Variants in KIAA1328 observed in about 807,000 individuals in gnomAD.
KIAA1328 encodes KIAA1328, also known as protein hinderin.
In KIAA1328, 52 loss-of-function variants were observed where a neutral mutation model predicts 68.1. The observed-to-expected ratio is 0.76, with a 90% CI of 0.61 to 0.96. The LOEUF (loss-of-function observed/expected upper bound fraction) is 0.96, where lower values mean the gene tolerates loss of function less well. Among genes scored for constraint, KIAA1328 ranks in the 40% least tolerant of loss-of-function variants. KIAA1328 has a pLI of 0.00. For missense variants in KIAA1328, 641 were observed against 677.6 expected (o/e 0.95, Z 0.60); for synonymous variants, 232 against 239.4 (o/e 0.97, Z 0.28).
intron 7 of KIAA1328, among the ~76,000 whole-genome samples, chr18:37,080,548 G>A (rs1485715789): frequency 2.0e-5 from 3 of 151,970 alleles, no homozygotes; most frequent in African/African-American, 2.4e-5. Context: ...AGGCCGAGGC[G>A]GGTGGATCAC....
intron 6 of KIAA1328, among the ~76,000 whole-genome samples, chr18:36,985,511 G>T (rs1056158387): frequency 1.3e-5 from 2 of 152,108 alleles, no homozygotes; most frequent in Non-Finnish European, 2.9e-5. Context: ...AGACAAATCA[G>T]TAAAACAGAG....
chr18:36,862,910 A>G (rs2047613734), intron 4 of KIAA1328, among the ~76,000 whole-genome samples: 1 of 152,146 alleles, frequency 6.6e-6, no homozygotes, highest in South Asian at 2.1e-4. Context: ...TCTAATGGGC[A>G]GTGATGTTGG....
chr18:37,000,169 T>C (rs1184965459), intron 6 of KIAA1328, among the ~76,000 whole-genome samples: 1 of 152,010 alleles, frequency 6.6e-6, no homozygotes, highest in Non-Finnish European at 1.5e-5. Flanking sequence ...AAAAAGATGC[T>C]CCATACAAAC....
chr18:37,227,784 T>G (rs1278095268), downstream of KIAA1328, among the ~76,000 whole-genome samples: 1 of 152,206 alleles, frequency 6.6e-6, no homozygotes, highest in East Asian at 1.9e-4. Flanking sequence ...AGCCCATGGA[T>G]CAAGGAGTAA....
At chr18:37,073,410 A>C (rs2056602856) in intron 7 of KIAA1328, among the ~76,000 whole-genome samples, 1 of 152,240 alleles carries the variant, frequency 6.6e-6, no homozygotes, top group South Asian at 2.1e-4. Context: ...ATATGAAAAA[A>C]AGCTCAACAT....
At chr18:37,103,803 TACACACACACAC>T (rs60337954) in intron 7 of KIAA1328, among the ~76,000 whole-genome samples, 5 of 145,760 alleles carry the variant, frequency 3.4e-5, no homozygotes, top group East Asian at 4.1e-4. Flanking sequence ...CAATAGCAAA[TACACACACACAC>T]ACACACACAC....
chr18:37,044,832 A>C (rs2055402421), intron 6 of KIAA1328, among the ~76,000 whole-genome samples: 1 of 151,894 alleles, frequency 6.6e-6, no homozygotes, highest in African/African-American at 2.4e-5. Context: ...GCAACAGTTT[A>C]AAAAAATGAG....
intron 9 of KIAA1328, among the ~76,000 whole-genome samples, chr18:37,194,847 G>T (rs1364381562): frequency 6.6e-6 from 1 of 152,056 alleles, no homozygotes; most frequent in Non-Finnish European, 1.5e-5. Flanking sequence ...TTTTAGTAGA[G>T]ATGGGATTTC....
chr18:37,060,712 C>A (rs1014539427), intron 6 of KIAA1328, among the ~76,000 whole-genome samples: 2 of 152,154 alleles, frequency 1.3e-5, no homozygotes, highest in South Asian at 4.1e-4. Context: ...TTTGCACCAG[C>A]CTAATATAAG....
chr18:36,958,183 C>T (rs1164857372), intron 5 of KIAA1328, among the ~76,000 whole-genome samples: 1 of 152,216 alleles, frequency 6.6e-6, no homozygotes, highest in South Asian at 2.1e-4. Flanking sequence ...AAATATTCCA[C>T]ATTTTGTTTC....
chr18:36,908,584 T>G (rs1053484934), intron 5 of KIAA1328, among the ~76,000 whole-genome samples: 2 of 152,160 alleles, frequency 1.3e-5, no homozygotes, highest in African/African-American at 2.4e-5. Flanking sequence ...TCAAGCAGTA[T>G]CCCCTTCGGC....
intron 7 of KIAA1328, among the ~76,000 whole-genome samples, chr18:37,142,339 A>C (rs555206172): frequency 3.3e-5 from 5 of 151,624 alleles, no homozygotes; most frequent in Admixed American, 1.3e-4. Flanking sequence ...TTACAGGCGC[A>C]CACCACCACA....
At chr18:37,169,622 A>G (rs541550680) in intron 8 of KIAA1328, among the ~76,000 whole-genome samples, 2 of 152,226 alleles carry the variant, frequency 1.3e-5, no homozygotes, top group Non-Finnish European at 2.9e-5. Context: ...AAATTTATAA[A>G]TGGAACAAAT....
At chr18:37,048,060 A>G (rs1167205578) in intron 6 of KIAA1328, among the ~76,000 whole-genome samples, 1 of 152,142 alleles carries the variant, frequency 6.6e-6, no homozygotes, top group Non-Finnish European at 1.5e-5. Context: ...CCTTCCATTT[A>G]ATAACTTGAA....
intron 9 of KIAA1328, among the ~76,000 whole-genome samples, chr18:37,200,735 C>T (rs1042323022): frequency 1.7e-4 from 26 of 149,596 alleles, no homozygotes; most frequent in African/African-American, 3.5e-4. Flanking sequence ...GGCGTGAACC[C>T]GGGAAGCGGA....
intron 5 of KIAA1328, among the ~76,000 whole-genome samples, chr18:36,942,413 G>A (rs545369902): frequency 6.6e-6 from 1 of 152,292 alleles, no homozygotes; most frequent in South Asian, 2.1e-4. Flanking sequence ...TAGAGACATA[G>A]AACAAACCTT....
intron 7 of KIAA1328, among the ~76,000 whole-genome samples, chr18:37,109,332 T>C (rs1007415287): frequency 5.3e-5 from 8 of 152,360 alleles, no homozygotes; most frequent in African/African-American, 1.4e-4. Context: ...CATTTGTTAA[T>C]TGTAGATTGA....
chr18:37,153,858 A>T (rs1364314170), intron 7 of KIAA1328, among the ~76,000 whole-genome samples: 10 of 129,366 alleles, frequency 7.7e-5, no homozygotes, highest in East Asian at 2.2e-4. Flanking sequence ...TTTTTCTTTT[A>T]AAAAAAAAAA....
chr18:37,165,608 T>G (rs1038612235), intron 8 of KIAA1328, among the ~76,000 whole-genome samples: 1 of 148,470 alleles, frequency 6.7e-6, no homozygotes, highest in South Asian at 2.1e-4. Context: ...TTTTTTTTTT[T>G]AGACAGAGTT....
Sources: gnomAD v4.1 joint callset for allele counts (sites outside exome capture counted in the v4.1 genomes callset) on GRCh38, gnomAD v4.1.1 for gene constraint, MANE v1.5 for transcripts, NCBI Gene and HGNC (gene_info 2026-07-23, HGNC 2026-07-21) for gene names.